Variants in ZNF385B observed in about 807,000 individuals in gnomAD.
ZNF385B encodes the protein zinc finger protein 533.
ZNF385B carries 23 observed loss-of-function variants against 39.2 expected under a neutral mutation model. The observed-to-expected ratio is 0.59, with a 90% CI of 0.42 to 0.83. The LOEUF (loss-of-function observed/expected upper bound fraction) is 0.83, where lower values mean the gene tolerates loss of function less well. ZNF385B is among the 40% of genes least tolerant of loss of function. ZNF385B has a pLI of 0.00. For synonymous variants in ZNF385B, 205 were observed against 222.6 expected, an observed-to-expected ratio of 0.92 and a Z score of 0.70; for missense variants, 552 against 598.9, an observed-to-expected ratio of 0.92 and a Z score of 0.82.
chr2:179,471,773 T>TTA (rs1387880816), intron 6 of ZNF385B, among the ~76,000 whole-genome samples: 15 of 152,298 alleles, frequency 9.8e-5, no homozygotes, highest in African/African-American at 3.4e-4. Context: ...TTTATAGATT[T>TTA]TATAGTTTGA....
chr2:179,590,696 A>G (rs1203752741), intron 3 of ZNF385B, among the ~76,000 whole-genome samples: 1 of 152,076 alleles, frequency 6.6e-6, no homozygotes. Flanking sequence ...TGATTGGATC[A>G]TGGGGGTGGT....
intron 3 of ZNF385B, among the ~76,000 whole-genome samples, chr2:179,709,493 T>A (rs968796857): frequency 1.3e-5 from 2 of 152,044 alleles, no homozygotes; most frequent in Non-Finnish European, 2.9e-5. Flanking sequence ...CATATAACAG[T>A]CTACCATGAG....
At chr2:179,670,118 C>T (rs912189915) in intron 3 of ZNF385B, among the ~76,000 whole-genome samples, 1 of 151,682 alleles carries the variant, frequency 6.6e-6, no homozygotes, top group Non-Finnish European at 1.5e-5. Flanking sequence ...GGTGAAACCC[C>T]GTCTCTACTA....
intron 5 of ZNF385B, among the ~76,000 whole-genome samples, chr2:179,489,489 T>C (rs919009405): frequency 1.3e-5 from 2 of 152,214 alleles, no homozygotes; most frequent in African/African-American, 4.8e-5. Flanking sequence ...AATTAAGTTA[T>C]TTATATTGAA....
At chr2:179,692,346 T>C (rs1698420121) in intron 3 of ZNF385B, among the ~76,000 whole-genome samples, 1 of 152,214 alleles carries the variant, frequency 6.6e-6, no homozygotes, top group African/African-American at 2.4e-5. Context: ...TATAGCTCCC[T>C]GGTTCCAGTT....
intron 3 of ZNF385B, among the ~76,000 whole-genome samples, chr2:179,657,898 TGGA>T (rs1337081600): frequency 7.9e-5 from 12 of 152,290 alleles, no homozygotes; most frequent in African/African-American, 2.4e-4. Flanking sequence ...CACTTGGAAG[TGGA>T]GGAGAAGGGT....
At chr2:179,622,074 A>G (rs1040017099) in intron 3 of ZNF385B, among the ~76,000 whole-genome samples, 1 of 152,106 alleles carries the variant, frequency 6.6e-6, no homozygotes, top group Non-Finnish European at 1.5e-5. Flanking sequence ...CCTGGCCACC[A>G]TTTGCTTATC....
chr2:179,482,946 G>T (rs2054158094), intron 6 of ZNF385B, among the ~76,000 whole-genome samples: 1 of 151,682 alleles, frequency 6.6e-6, no homozygotes, highest in South Asian at 2.1e-4. Context: ...AATAAGCTCA[G>T]TATTTTAGAT....
intron 5 of ZNF385B, among the ~76,000 whole-genome samples, chr2:179,512,687 A>T (rs768253913): frequency 3.3e-5 from 5 of 152,170 alleles, no homozygotes; most frequent in African/African-American, 1.2e-4. Flanking sequence ...TAGATACACC[A>T]TGTTAGAAAA....
At chr2:179,594,872 T>C (rs946193852) in intron 3 of ZNF385B, among the ~76,000 whole-genome samples, 3 of 151,638 alleles carry the variant, frequency 2.0e-5, no homozygotes, top group African/African-American at 7.3e-5. Context: ...AGTGGCCTAA[T>C]CATGGTTTAC....
chr2:179,829,663 G>A (rs562164786), intron 1 of ZNF385B, among the ~76,000 whole-genome samples: 201 of 152,110 alleles, frequency 1.3e-3, no homozygotes, highest in African/African-American at 4.7e-3. Flanking sequence ...ACAGGCGCCC[G>A]CCACCATGCC....
At chr2:179,678,896 C>A (rs1697225189) in intron 3 of ZNF385B, among the ~76,000 whole-genome samples, 1 of 152,204 alleles carries the variant, frequency 6.6e-6, no homozygotes, top group South Asian at 2.1e-4. Flanking sequence ...CACATTCCCA[C>A]ATGATGTTGA....
chr2:179,607,606 A>T (rs61432525), intron 3 of ZNF385B, among the ~76,000 whole-genome samples: 5,455 of 152,238 alleles, frequency 0.036, 309 homozygotes, highest in East Asian at 0.22. Flanking sequence ...CTGGAGATAG[A>T]GGAGGAGCTA....
chr2:179,801,611 T>C (rs1415401789), intron 1 of ZNF385B, among the ~76,000 whole-genome samples: 1 of 152,190 alleles, frequency 6.6e-6, no homozygotes, highest in Non-Finnish European at 1.5e-5. Flanking sequence ...AGAGAAATTA[T>C]GCCTAATTCA....
chr2:179,670,287 G>A lies in ZNF385B; in HGVS notation c.298+99216C>T, dbSNP rs1405283674. On this transcript the variant is annotated intron_variant, in intron 3 of 9. Transcript: ENST00000410066. The stretch of plus-strand genomic sequence containing the variant: ...CGCCTGGGCCACAGAGCGAGACTCC[G>A]TCTCAAAAAAAAAAAAAAAAAAAAT... 5.7e-4 allele frequency among the ~76,000 whole-genome samples: 51 copies of A among 89,634 alleles called. 1 individual carries two copies. The highest frequency in any genetic ancestry group is 3.5e-4 in the South Asian group (1 of 2,898). The allele number at this position is 89,634 out of a possible 152,430, so 58.8% of individuals were successfully genotyped here. A position where few individuals can be genotyped will look rare whatever the true frequency, so the allele number is the denominator to read the frequency against.
At chr2:179,575,455 G>T (rs1230912484) in intron 3 of ZNF385B, among the ~76,000 whole-genome samples, 1 of 152,038 alleles carries the variant, frequency 6.6e-6, no homozygotes, top group East Asian at 1.9e-4. Flanking sequence ...GGTTTGTTTT[G>T]CCCCTCACCA....
chr2:179,860,639 T>C (rs1684970232), intron 1 of ZNF385B, among the ~76,000 whole-genome samples: 1 of 151,994 alleles, frequency 6.6e-6, no homozygotes, highest in Non-Finnish European at 1.5e-5. Flanking sequence ...GACCCCAAGC[T>C]TCGACCGCTA....
intron 3 of ZNF385B, among the ~76,000 whole-genome samples, chr2:179,600,992 G>T (rs564967517): frequency 1.5e-4 from 23 of 152,328 alleles, no homozygotes; most frequent in African/African-American, 5.1e-4. Context: ...ATAAATATAT[G>T]TGGATAGAAA....
intron 1 of ZNF385B, among the ~76,000 whole-genome samples, chr2:179,838,024 ATACCTACAATT>A (rs1358394353): frequency 6.6e-6 from 1 of 151,626 alleles, no homozygotes; most frequent in Admixed American, 6.6e-5. Context: ...AGTGCACAAT[ATACCTACAATT>A]TATTAATTCT....
Sources: gnomAD v4.1 joint callset for allele counts (sites outside exome capture counted in the v4.1 genomes callset) on GRCh38, gnomAD v4.1.1 for gene constraint, MANE v1.5 for transcripts, NCBI Gene and HGNC (gene_info 2026-07-23, HGNC 2026-07-21) for gene names.